The following IPO11 variants were observed in gnomAD, a reference collection of about 807,000 sequenced individuals.
The protein encoded by IPO11 is importin-11.
In IPO11, 66 loss-of-function variants were observed where a neutral mutation model predicts 143.2. That is an observed-to-expected ratio of 0.46 (90% CI 0.38 to 0.57). The LOEUF (loss-of-function observed/expected upper bound fraction) is 0.57, where lower values mean the gene tolerates loss of function less well. Among genes scored for constraint, IPO11 ranks in the 20% least tolerant of loss-of-function variants. The pLI is 0.00. For synonymous variants in IPO11, 385 were observed against 377.8 expected (o/e 1.02, Z -0.22); for missense variants, 1,026 against 1,141.0 (o/e 0.90, Z 1.45).
intron 19 of IPO11, among the ~76,000 whole-genome samples, chr5:62,511,120 T>C (rs1561341634): frequency 6.6e-6 from 1 of 152,252 alleles, no homozygotes; most frequent in East Asian, 1.9e-4. Context: ...AAGATTGGAA[T>C]ATAAATATTT....
chr5:62,435,116 A>G (rs1422927732), intron 1 of IPO11, among the ~76,000 whole-genome samples: 4 of 52,130 alleles, frequency 7.7e-5, no homozygotes, highest in South Asian at 5.6e-4. Flanking sequence ...ATATGTATAT[A>G]TGTATATATG....
chr5:62,557,009 T>A (rs1341683735), intron 26 of IPO11, among the ~76,000 whole-genome samples: 1 of 152,158 alleles, frequency 6.6e-6, no homozygotes, highest in African/African-American at 2.4e-5. Context: ...TGTCCAGCCC[T>A]TTCTAAAATC....
intron 1 of IPO11, among the ~76,000 whole-genome samples, chr5:62,427,180 T>TC (rs1388136305): frequency 1.3e-5 from 2 of 151,890 alleles, no homozygotes; most frequent in Non-Finnish European, 2.9e-5. Flanking sequence ...CCTCAGGTGA[T>TC]CCACCTGCCT....
intron 5 of IPO11, 80 bp downstream of exon 5, chr5:62,452,013 C>T (rs1423220468): frequency 5.4e-6 from 6 of 1,101,446 alleles, no homozygotes. Context: ...AATCTCAGCA[C>T]TTTGGGAGGC....
chr5:62,477,238 A>G (rs1437969140), intron 9 of IPO11, among the ~76,000 whole-genome samples: 2 of 152,226 alleles, frequency 1.3e-5, no homozygotes, highest in Non-Finnish European at 2.9e-5. Context: ...TTAACTTTTA[A>G]TGATATTTTG....
intron 29 of IPO11, among the ~76,000 whole-genome samples, chr5:62,624,229 T>C (rs1049396157): frequency 2.0e-4 from 30 of 151,322 alleles, no homozygotes; most frequent in African/African-American, 7.0e-4. Flanking sequence ...AGACGGGGTT[T>C]CTCCATGTTG....
intron 1 of IPO11, among the ~76,000 whole-genome samples, chr5:62,426,712 TAACAC>T (rs1743755627): frequency 6.6e-6 from 1 of 151,654 alleles, no homozygotes; most frequent in Admixed American, 6.6e-5. Context: ...GGAGCTTTCT[TAACAC>T]AACTATTGTT....
chr5:62,492,045 C>G (rs1746633392), intron 15 of IPO11, among the ~76,000 whole-genome samples: 1 of 152,152 alleles, frequency 6.6e-6, no homozygotes, highest in Admixed American at 6.5e-5. Context: ...CAGTGTTTCT[C>G]AAACTTTAAT....
chr5:62,601,560 T>C (rs1745508139), intron 28 of IPO11, among the ~76,000 whole-genome samples: 1 of 152,184 alleles, frequency 6.6e-6, no homozygotes, highest in Admixed American at 6.5e-5. Flanking sequence ...TAAAATGTTT[T>C]AGTGTGGCCC....
At chr5:62,548,887 C>T (rs148458742) in intron 24 of IPO11, among the ~76,000 whole-genome samples, 26 of 152,110 alleles carry the variant, frequency 1.7e-4, no homozygotes, top group African/African-American at 6.3e-4. Context: ...TTATGCTCCC[C>T]CTCTTAAAAT....
intron 29 of IPO11, among the ~76,000 whole-genome samples, chr5:62,606,538 G>A (rs1013322545): frequency 7.4e-6 from 1 of 134,378 alleles, no homozygotes; most frequent in African/African-American, 2.8e-5. Context: ...ACAAACCACT[G>A]AAGTTAAAAT....
chr5:62,487,673 G>T (rs1746460976), intron 12 of IPO11, 98 bp from the exon 13 acceptor site: 3 of 1,205,992 alleles, frequency 2.5e-6, no homozygotes, highest in Non-Finnish European at 1.1e-6. Flanking sequence ...CATTTTCAAA[G>T]TTTTAGAATT....
At chr5:62,434,195 C>G (rs1488381064) in intron 1 of IPO11, among the ~76,000 whole-genome samples, 2 of 152,144 alleles carry the variant, frequency 1.3e-5, no homozygotes, top group East Asian at 3.8e-4. Context: ...GCCTTCTGAT[C>G]CTTGCATGGG....
intron 5 of IPO11, among the ~76,000 whole-genome samples, chr5:62,459,510 A>G (rs1427311112): frequency 6.6e-6 from 1 of 151,886 alleles, no homozygotes; most frequent in African/African-American, 2.4e-5. Context: ...TGGTAATTTA[A>G]TATATATTTA....
At chr5:62,429,991 T>C (rs1313681848) in intron 1 of IPO11, among the ~76,000 whole-genome samples, 6 of 152,154 alleles carry the variant, frequency 3.9e-5, no homozygotes, top group Admixed American at 2.6e-4. Flanking sequence ...ACTCTGGACC[T>C]CGGGATCTGC....
intron 26 of IPO11, among the ~76,000 whole-genome samples, chr5:62,556,072 G>A (rs1743566465): frequency 6.6e-6 from 1 of 152,160 alleles, no homozygotes; most frequent in Admixed American, 6.5e-5. Context: ...TCAGTTAAAT[G>A]TAATTTAACA....
intron 4 of IPO11, 118 bp from the exon 5 acceptor site, chr5:62,451,612 T>G (rs1013854502): frequency 1.3e-6 from 1 of 795,602 alleles, no homozygotes; most frequent in African/African-American, 1.7e-5. Context: ...GTTTAAGCAG[T>G]CATTCAGTGA....
chr5:62,604,598 T>TAGTA (rs1745633497), intron 29 of IPO11, among the ~76,000 whole-genome samples: 1 of 152,216 alleles, frequency 6.6e-6, no homozygotes, highest in Non-Finnish European at 1.5e-5. Context: ...GTCTTTCTAC[T>TAGTA]GCTCACACCC....
intron 9 of IPO11, among the ~76,000 whole-genome samples, chr5:62,479,215 C>A (rs1388101610): frequency 6.6e-6 from 1 of 152,144 alleles, no homozygotes; most frequent in African/African-American, 2.4e-5. Context: ...CGATAGTATG[C>A]TCAGAATGAT....
Sources: allele counts gnomAD v4.1 joint callset (sites outside exome capture counted in the v4.1 genomes callset), GRCh38; gene constraint gnomAD v4.1.1; transcripts MANE v1.5; gene names NCBI Gene and HGNC (gene_info 2026-07-23, HGNC 2026-07-21).